Variants in WNT7A observed in about 807,000 individuals in gnomAD.
WNT7A encodes Wnt family member 7A, also known as protein Wnt-7a.
Under a neutral mutation model 28.2 loss-of-function variants are expected in WNT7A, and 16 were observed. That is an observed-to-expected ratio of 0.57 (90% confidence interval 0.38 to 0.86). The LOEUF (loss-of-function observed/expected upper bound fraction) is 0.86, where lower values mean the gene tolerates loss of function less well. Among genes scored for constraint, WNT7A ranks in the 40% least tolerant of loss-of-function variants. The pLI, the probability that WNT7A is intolerant of heterozygous loss-of-function variation, is 0.00. For synonymous variants in WNT7A, 190 were observed against 195.9 expected (o/e 0.97, Z 0.25); for missense variants, 411 against 489.7 (o/e 0.84, Z 1.52).
At chr3:13,820,587 G>A (rs1694091812) in intron 3 of WNT7A, among the ~76,000 whole-genome samples, 1 of 152,072 alleles carries the variant, frequency 6.6e-6, no homozygotes, top group Non-Finnish European at 1.5e-5. Flanking sequence ...GACAATTCCA[G>A]CTTTTCTGAG....
At chr3:13,823,350 A>C (rs1694142650) in intron 3 of WNT7A, among the ~76,000 whole-genome samples, 1 of 152,202 alleles carries the variant, frequency 6.6e-6, no homozygotes, top group Non-Finnish European at 1.5e-5. Context: ...GCAGCTTCCC[A>C]GTGCCTGGCA....
At chr3:13,840,640 C>T (rs1694442701) in intron 3 of WNT7A, among the ~76,000 whole-genome samples, 1 of 151,734 alleles carries the variant, frequency 6.6e-6, no homozygotes, top group South Asian at 2.1e-4. Context: ...ACCCATTCAG[C>T]CATCCATCTA....
chr3:13,847,242 C>T (rs563292031), intron 3 of WNT7A, among the ~76,000 whole-genome samples: 1 of 152,314 alleles, frequency 6.6e-6, no homozygotes, highest in South Asian at 2.1e-4. Context: ...TTCTCTAGGC[C>T]CAGACACCCT....
intron 2 of WNT7A, among the ~76,000 whole-genome samples, chr3:13,868,131 G>A (rs1694940737): frequency 6.6e-6 from 1 of 152,160 alleles, no homozygotes; most frequent in Non-Finnish European, 1.5e-5. Context: ...GGGAAGACAT[G>A]AGGGAGGCTC....
chr3:13,856,887 G>A (rs1360039535), intron 2 of WNT7A, among the ~76,000 whole-genome samples: 1 of 68,552 alleles, frequency 1.5e-5, no homozygotes, highest in Non-Finnish European at 2.7e-5. Flanking sequence ...AGAGGAAGAA[G>A]AAGAAAAAGA....
intron 2 of WNT7A, among the ~76,000 whole-genome samples, chr3:13,855,549 T>C (rs1694715971): frequency 6.6e-6 from 1 of 152,160 alleles, no homozygotes; most frequent in South Asian, 2.1e-4. Flanking sequence ...TCTCCAGTGG[T>C]AGGGCAGGGT....
intron 2 of WNT7A, among the ~76,000 whole-genome samples, chr3:13,857,400 G>T (rs1694763088): frequency 6.6e-6 from 1 of 152,136 alleles, no homozygotes; most frequent in Non-Finnish European, 1.5e-5. Context: ...CAAAGAAACG[G>T]CAGACAGACA....
chr3:13,830,293 G>T (rs1390740441), intron 3 of WNT7A, among the ~76,000 whole-genome samples: 3 of 152,142 alleles, frequency 2.0e-5, no homozygotes, highest in Admixed American at 2.0e-4. Flanking sequence ...CTCAACCTCA[G>T]GCTGGAGGGC....
rs1694701633 is a variant in WNT7A, at chr3:13,854,733, A to G, written c.369T>C (p.Cys123=). 1 of 1,613,916 alleles carries G rather than the reference A, an allele frequency of 6.2e-7. No homozygotes were observed. The highest frequency in any genetic ancestry group is 1.7e-5 in the Admixed American group (1 of 60,014). The stretch of plus-strand genomic sequence containing the variant: ...CACAGTCGCTCAGGTTGCCCTGGGT[A>G]CAGGCAGCTGTGATGGCGTGGGCCA... ...AGVAHAITAA[C]TQGNLSDCGC... The change falls in exon 3 of 4, where the codon TGT becomes TGC. Residue 123 remains cysteine (C), a synonymous_variant. Coordinates refer to ENST00000285018, the MANE Select transcript of WNT7A (RefSeq NM_004625.4).
chr3:13,857,939 G>A (rs1423528398), intron 2 of WNT7A, among the ~76,000 whole-genome samples: 5 of 152,192 alleles, frequency 3.3e-5, no homozygotes, highest in Non-Finnish European at 7.3e-5. Context: ...GTTGGCATGA[G>A]GAAGTGGCCC....
intron 3 of WNT7A, among the ~76,000 whole-genome samples, chr3:13,850,112 C>G (rs1559301106): frequency 6.6e-6 from 1 of 152,364 alleles, no homozygotes; most frequent in East Asian, 1.9e-4. Flanking sequence ...CCTTTCCATT[C>G]GCAAGGGCAA....
At chr3:13,845,308 G>C (rs1314838190) in intron 3 of WNT7A, among the ~76,000 whole-genome samples, 1 of 152,216 alleles carries the variant, frequency 6.6e-6, no homozygotes, top group South Asian at 2.1e-4. Context: ...CTCTAAGAGA[G>C]TGATGTCCAA....
chr3:13,872,687 C>T (rs538936832), intron 2 of WNT7A, among the ~76,000 whole-genome samples: 1 of 152,316 alleles, frequency 6.6e-6, no homozygotes, highest in Admixed American at 6.5e-5. Context: ...AGTATTCCTC[C>T]TCAGCCTCTC....
At chr3:13,869,020 AAG>A (rs1327564777) in intron 2 of WNT7A, among the ~76,000 whole-genome samples, 24 of 121,860 alleles carry the variant, frequency 2.0e-4, no homozygotes, top group East Asian at 6.8e-4. Context: ...GAGAGAGAGA[AAG>A]AGAGAAAGTG....
intron 3 of WNT7A, among the ~76,000 whole-genome samples, chr3:13,825,682 T>C (rs9681737): frequency 0.39 from 58,749 of 151,922 alleles, 11,434 homozygotes; most frequent in Middle Eastern, 0.48. Context: ...TCCTTCAGGG[T>C]GTGGGGCCCT....
chr3:13,824,934 A>G (rs942693717), intron 3 of WNT7A, among the ~76,000 whole-genome samples: 1 of 152,174 alleles, frequency 6.6e-6, no homozygotes, highest in Non-Finnish European at 1.5e-5. Context: ...ATGAGTTGGA[A>G]TGCCCTATAG....
chr3:13,836,042 C>A (rs1449127747), intron 3 of WNT7A, among the ~76,000 whole-genome samples: 1 of 152,068 alleles, frequency 6.6e-6, no homozygotes, highest in Non-Finnish European at 1.5e-5. Context: ...GGAGTGACTA[C>A]TAGTAGGTAC....
intron 3 of WNT7A, among the ~76,000 whole-genome samples, chr3:13,839,691 C>A (rs1234960852): frequency 2.0e-5 from 3 of 152,234 alleles, no homozygotes; most frequent in African/African-American, 7.2e-5. Flanking sequence ...CCCTTCCCCA[C>A]TCTACCACCA....
intron 3 of WNT7A, among the ~76,000 whole-genome samples, chr3:13,834,707 A>G (rs1172126664): frequency 6.6e-6 from 1 of 152,022 alleles, no homozygotes. Flanking sequence ...CAGTGCTTCT[A>G]GCCTTTGCTC....
Sources: gnomAD v4.1 joint callset for allele counts (sites outside exome capture counted in the v4.1 genomes callset) on GRCh38, gnomAD v4.1.1 for gene constraint, MANE v1.5 for transcripts, NCBI Gene and HGNC (gene_info 2026-07-23, HGNC 2026-07-21) for gene names.